Variants in ITSN1 observed in about 807,000 individuals in gnomAD.
The protein encoded by ITSN1 is intersectin-1.
In ITSN1, 58 loss-of-function variants were observed where a neutral mutation model predicts 239.8. The ratio of observed to expected loss-of-function variants is 0.24; its 90% CI spans 0.20 to 0.30. The LOEUF is 0.30. Among genes scored for constraint, ITSN1 ranks in the 10% least tolerant of loss-of-function variants. The pLI, the probability that ITSN1 is intolerant of heterozygous loss-of-function variation, is 1.00. For missense variants in ITSN1, 1,558 were observed against 2,103.3 expected, an observed-to-expected ratio of 0.74 and a Z score of 5.07; for synonymous variants, 780 against 770.8, an observed-to-expected ratio of 1.01 and a Z score of -0.20.
At chr21:33,810,877 T>C in intron 20 of ITSN1, 98 bp from the exon 21 acceptor site, 5 of 1,356,708 alleles carry the variant, frequency 3.7e-6, no homozygotes, top group Non-Finnish European at 5.3e-6. Flanking sequence ...CATATGTCAA[T>C]CTAAAGAGGG....
At chr21:33,815,453 C>T (rs928239115) in intron 22 of ITSN1, among the ~76,000 whole-genome samples, 2 of 152,016 alleles carry the variant, frequency 1.3e-5, no homozygotes, top group East Asian at 1.9e-4. Flanking sequence ...TACTAAGTAC[C>T]GTGGTCAGGG....
chr21:33,861,417 C>T (rs1980500833), intron 31 of ITSN1, among the ~76,000 whole-genome samples: 1 of 151,952 alleles, frequency 6.6e-6, no homozygotes, highest in South Asian at 2.1e-4. Flanking sequence ...GGGGGTAGGG[C>T]AGTTATCAAA....
chr21:33,848,171 C>T (rs1046013658), intron 29 of ITSN1, among the ~76,000 whole-genome samples: 2 of 152,208 alleles, frequency 1.3e-5, no homozygotes, highest in Admixed American at 1.3e-4. Context: ...ACGTTGAAGC[C>T]CAGGACATCA....
chr21:33,703,883 C>T (rs1442878035), intron 1 of ITSN1, among the ~76,000 whole-genome samples: 2 of 152,156 alleles, frequency 1.3e-5, no homozygotes, highest in Non-Finnish European at 2.9e-5. Context: ...GTTGTCTCCT[C>T]GCCGAAGAGC....
chr21:33,786,526 C>T (rs544302212), intron 16 of ITSN1, among the ~76,000 whole-genome samples: 1 of 152,290 alleles, frequency 6.6e-6, no homozygotes, highest in East Asian at 1.9e-4. Flanking sequence ...TGGACAGTAG[C>T]ACCTGACTTT....
intron 29 of ITSN1, chr21:33,838,486 C>T: frequency 3.1e-6 from 3 of 979,014 alleles, no homozygotes; most frequent in Non-Finnish European, 3.6e-6. Flanking sequence ...TTAAATTCTT[C>T]ATACAAAAGT....
At chr21:33,776,219 T>C (rs1465530674) in intron 14 of ITSN1, among the ~76,000 whole-genome samples, 1 of 152,050 alleles carries the variant, frequency 6.6e-6, no homozygotes, top group Non-Finnish European at 1.5e-5. Context: ...CTTTTAGGAA[T>C]GGAACTACTG....
At chr21:33,795,831 AAATAT>A (rs1233132428) in intron 17 of ITSN1, among the ~76,000 whole-genome samples, 1 of 152,222 alleles carries the variant, frequency 6.6e-6, no homozygotes, top group Non-Finnish European at 1.5e-5. Flanking sequence ...AATAGCATAA[AAATAT>A]AATATGGAAT....
At chr21:33,864,345 TACC>T (rs757935430) in intron 31 of ITSN1, among the ~76,000 whole-genome samples, 1 of 152,196 alleles carries the variant, frequency 6.6e-6, no homozygotes, top group Non-Finnish European at 1.5e-5. Context: ...TTGCTGTCCT[TACC>T]GTGTATAAGC....
intron 34 of ITSN1, among the ~76,000 whole-genome samples, chr21:33,876,719 C>G (rs529714514): frequency 6.6e-6 from 1 of 152,142 alleles, no homozygotes; most frequent in African/African-American, 2.4e-5. Context: ...GAGTGAGACC[C>G]TGTCTATACA....
intron 1 of ITSN1, among the ~76,000 whole-genome samples, chr21:33,711,511 A>G (rs1190345040): frequency 2.0e-5 from 3 of 151,262 alleles, no homozygotes; most frequent in Non-Finnish European, 2.9e-5. Flanking sequence ...TAGACCTGCC[A>G]TCTTCCTATT....
At chr21:33,863,453 C>G (rs545162587) in intron 31 of ITSN1, among the ~76,000 whole-genome samples, 1 of 152,150 alleles carries the variant, frequency 6.6e-6, no homozygotes, top group African/African-American at 2.4e-5. Flanking sequence ...GTCAGCAGTT[C>G]GAGACCAGCC....
At chr21:33,877,418 C>G (rs1409623748) in intron 34 of ITSN1, among the ~76,000 whole-genome samples, 13 of 152,206 alleles carry the variant, frequency 8.5e-5, no homozygotes, top group Non-Finnish European at 2.9e-5. Context: ...TGTGATTATC[C>G]AAAACTATGT....
chr21:33,876,120 T>G (rs1302870797), intron 34 of ITSN1, among the ~76,000 whole-genome samples: 5 of 19,366 alleles, frequency 2.6e-4, no homozygotes, highest in Non-Finnish European at 4.3e-4. Flanking sequence ...TTTCTTTCTT[T>G]CTTTCTTTCT....
intron 1 of ITSN1, among the ~76,000 whole-genome samples, chr21:33,653,795 T>TA (rs2088778337): frequency 6.6e-6 from 1 of 152,214 alleles, no homozygotes; most frequent in African/African-American, 2.4e-5. Flanking sequence ...GTTCTGGAAT[T>TA]ACAGGCGTGA....
At chr21:33,771,949 G>A (rs2069197096) in intron 11 of ITSN1, 112 bp from the exon 12 acceptor site, 1 of 1,190,814 alleles carries the variant, frequency 8.4e-7, no homozygotes, top group Admixed American at 2.5e-5. Context: ...AGCTTAGGGA[G>A]TTCTGGGTTT....
At chr21:33,839,274 G>A (rs1310499465) in intron 29 of ITSN1, among the ~76,000 whole-genome samples, 1 of 152,204 alleles carries the variant, frequency 6.6e-6, no homozygotes, top group East Asian at 1.9e-4. Flanking sequence ...GTGTGACAAG[G>A]TGACAAGTTC....
At chr21:33,836,894 C>T in intron 29 of ITSN1, 2 of 869,984 alleles carry the variant, frequency 2.3e-6, no homozygotes, top group Non-Finnish European at 3.6e-6. Context: ...ATCATTTTGG[C>T]ACCATGCTGT....
intron 20 of ITSN1, among the ~76,000 whole-genome samples, chr21:33,808,714 G>A (rs775549849): frequency 6.6e-6 from 1 of 152,126 alleles, no homozygotes; most frequent in Non-Finnish European, 1.5e-5. Context: ...AGAAACAGGT[G>A]CCACGAGATT....
Sources: gnomAD v4.1 joint callset for allele counts (sites outside exome capture counted in the v4.1 genomes callset) on GRCh38, gnomAD v4.1.1 for gene constraint, MANE v1.5 for transcripts, NCBI Gene and HGNC (gene_info 2026-07-23, HGNC 2026-07-21) for gene names.